SLC17A5: variants seen among roughly 807,000 people sequenced by gnomAD.
The protein encoded by SLC17A5 is solute carrier family 17 member 5, also known as sialin.
A neutral mutation model predicts 59.4 loss-of-function variants in SLC17A5; 47 were observed. The observed-to-expected ratio is 0.79, with a 90% CI of 0.63 to 1.01. The LOEUF is 1.01. Ranked by LOEUF, SLC17A5 falls within the 50% of genes least tolerant of loss-of-function variation. SLC17A5 has a pLI of 0.00. For synonymous variants in SLC17A5, 202 were observed against 210.7 expected, an observed-to-expected ratio of 0.96 and a Z score of 0.36; for missense variants, 522 against 595.5, an observed-to-expected ratio of 0.88 and a Z score of 1.28.
chr6:73,600,637 G>C (rs1255004114), intron 9 of SLC17A5, among the ~76,000 whole-genome samples, 196 bp from the exon 10 acceptor site: 1 of 151,888 alleles, frequency 6.6e-6, no homozygotes, highest in African/African-American at 2.4e-5. Context: ...GAGTAGCGGG[G>C]ACTACAGGCA....
At chr6:73,643,250 C>T (rs1439295374) in intron 2 of SLC17A5, among the ~76,000 whole-genome samples, 1 of 151,460 alleles carries the variant, frequency 6.6e-6, no homozygotes, top group African/African-American at 2.4e-5. Flanking sequence ...GGCTCCACCC[C>T]TTGGGGTTCA....
chr6:73,614,466 C>G (rs1767767166), intron 8 of SLC17A5, among the ~76,000 whole-genome samples: 1 of 152,120 alleles, frequency 6.6e-6, no homozygotes, highest in African/African-American at 2.4e-5. Context: ...GGTTTTTTGG[C>G]ACACAGCTCC....
At chr6:73,642,379 C>A (rs1351603169) in intron 2 of SLC17A5, among the ~76,000 whole-genome samples, 1 of 151,874 alleles carries the variant, frequency 6.6e-6, no homozygotes, top group Non-Finnish European at 1.5e-5. Flanking sequence ...GCTTTGGGAA[C>A]CAGGCTTGGT....
At chr6:73,622,094 C>A in intron 6 of SLC17A5, 132 bp from the exon 7 acceptor site, 1 of 789,222 alleles carries the variant, frequency 1.3e-6, no homozygotes, top group South Asian at 1.6e-5. Context: ...ATTTTTAAAT[C>A]AACTCCTTTG....
At chr6:73,645,489 G>T (rs1769493569) in intron 1 of SLC17A5, 2 of 984,794 alleles carry the variant, frequency 2.0e-6, no homozygotes, top group Non-Finnish European at 2.4e-6. Flanking sequence ...GTACCACCAT[G>T]ATTAAAAAAA....
chr6:73,595,009 G>C lies in SLC17A5; in HGVS notation c.*68C>G. 6.5e-7 allele frequency: 1 copy of C among 1,540,708 alleles called. No individual in the cohort carries two copies. The highest frequency in any genetic ancestry group is 9.0e-7 in the Non-Finnish European group (1 of 1,113,802). On this transcript the variant is annotated 3_prime_UTR_variant, in exon 11 of 11. Coordinates refer to ENST00000355773, the MANE Select transcript of SLC17A5 (RefSeq NM_012434.5). ...AGACATAGAATGCTTACACAATACA[G>C]AAGGCACTTTGAGGTTACATGATAA...
chr6:73,635,189 T>G (rs1381352291), intron 6 of SLC17A5, 193 bp downstream of exon 6: 3 of 441,708 alleles, frequency 6.8e-6, no homozygotes, highest in Non-Finnish European at 1.2e-5. Flanking sequence ...CACCTAGACC[T>G]CCCCAAAGGA....
chr6:73,632,867 A>G (rs1484182895), intron 6 of SLC17A5, among the ~76,000 whole-genome samples: 1 of 149,446 alleles, frequency 6.7e-6, no homozygotes, highest in Non-Finnish European at 1.5e-5. Context: ...ATGACAAAAC[A>G]TATCAAGTTT....
At position 73,636,602 on chromosome 6, in the gene SLC17A5, GT is replaced by G; in HGVS notation, c.700+18del. On this transcript the variant is annotated intron_variant, in intron 5 of 10. Coordinates refer to ENST00000355773, the MANE Select transcript of SLC17A5 (RefSeq NM_012434.5). ...TTTGAATTTGTTACATTATAATTTA[GT>G]TAAAATTTTAAACTTACCAAAAAAG... 7.5e-7 allele frequency: 1 copy of G among 1,328,072 alleles called. No homozygotes were observed. The highest frequency in any genetic ancestry group is 1.7e-5 in the Admixed American group (1 of 59,116). The allele number at this position is 1,328,072 out of a possible 1,614,324, so 82.3% of individuals were successfully genotyped here.
intron 8 of SLC17A5, among the ~76,000 whole-genome samples, chr6:73,615,029 G>C (rs185337922): frequency 4.8e-4 from 73 of 152,252 alleles, no homozygotes; most frequent in Non-Finnish European, 2.4e-4. Context: ...AAGTAGGGGG[G>C]CGATCTTGTG....
chr6:73,616,177 C>A (rs1767852731), intron 7 of SLC17A5, among the ~76,000 whole-genome samples: 1 of 152,126 alleles, frequency 6.6e-6, no homozygotes, highest in African/African-American at 2.4e-5. Context: ...AGCCACCGCA[C>A]CCGGCCTCAT....
intron 8 of SLC17A5, among the ~76,000 whole-genome samples, chr6:73,615,053 A>C (rs1453481612): frequency 6.6e-6 from 1 of 152,140 alleles, no homozygotes; most frequent in East Asian, 1.9e-4. Context: ...CTGAGCCCTC[A>C]ACCTATAGGA....
chr6:73,603,444 G>T (rs1767252880), intron 9 of SLC17A5, among the ~76,000 whole-genome samples: 1 of 138,684 alleles, frequency 7.2e-6, no homozygotes, highest in Non-Finnish European at 1.5e-5. Context: ...TTTTGAGACA[G>T]AGTTTCACTC....
At chr6:73,602,641 G>T (rs1435280795) in intron 9 of SLC17A5, among the ~76,000 whole-genome samples, 1 of 152,050 alleles carries the variant, frequency 6.6e-6, no homozygotes, top group Non-Finnish European at 1.5e-5. Flanking sequence ...CGGCCGTGAT[G>T]GCAGGCGCCT....
At chr6:73,606,834 C>T (rs547135791) in intron 9 of SLC17A5, among the ~76,000 whole-genome samples, 1 of 152,202 alleles carries the variant, frequency 6.6e-6, no homozygotes, top group South Asian at 2.1e-4. Context: ...TCTAATTGTA[C>T]ATCCAATTCA....
intron 3 of SLC17A5, 90 bp from the exon 4 acceptor site, chr6:73,638,589 T>A: frequency 2.0e-6 from 2 of 1,023,738 alleles, no homozygotes; most frequent in Non-Finnish European, 1.5e-6. Context: ...TACAAAAGCA[T>A]TTTCTGGATA....
At position 73,599,432 on chromosome 6, in the gene SLC17A5, C is replaced by T. The variant is rs78192412; in HGVS notation, c.1350+919G>A. On this transcript the variant is annotated intron_variant, in intron 10 of 10. Coordinates refer to ENST00000355773, the MANE Select transcript of SLC17A5 (RefSeq NM_012434.5). Reference sequence around the variant, plus strand: ...ATGCTGTAACATATCCCAAATCAAGCGCAGTTCCCACTTGTAAACATACAA... The same window carrying T: ...ATGCTGTAACATATCCCAAATCAAGTGCAGTTCCCACTTGTAAACATACAA... 6.4e-3 allele frequency among the ~76,000 whole-genome samples: 979 copies of T among 152,236 alleles called. 16 individuals are homozygous for T. The highest frequency in any genetic ancestry group is 0.022 in the African/African-American group (919 of 41,558).
intron 1 of SLC17A5, chr6:73,645,230 A>G: frequency 1.6e-6 from 1 of 624,070 alleles, no homozygotes. Flanking sequence ...AATGTAGCAT[A>G]GCAAAAAAAA....
intron 7 of SLC17A5, among the ~76,000 whole-genome samples, chr6:73,619,537 A>AAT (rs71000139): frequency 6.6e-6 from 1 of 151,972 alleles, no homozygotes; most frequent in Non-Finnish European, 1.5e-5. Context: ...TTTAAAAAAA[A>AAT]CAAAAACAAA....
Sources: gnomAD v4.1 joint callset for allele counts (sites outside exome capture counted in the v4.1 genomes callset) on GRCh38, gnomAD v4.1.1 for gene constraint, MANE v1.5 for transcripts, NCBI Gene and HGNC (gene_info 2026-07-23, HGNC 2026-07-21) for gene names.